The following WBP1L variants were observed in gnomAD, a reference collection of about 807,000 sequenced individuals.
WBP1L encodes WW domain binding protein 1 like.
Under a neutral mutation model 33.7 loss-of-function variants are expected in WBP1L, and 17 were observed. The ratio of observed to expected loss-of-function variants is 0.50; its 90% CI spans 0.34 to 0.76. WBP1L has a LOEUF of 0.76. WBP1L is among the 30% of genes least tolerant of loss of function. The probability of loss-of-function intolerance (pLI) is 0.01; values close to 1 mark genes in which losing one functional copy is unlikely to be tolerated. For missense variants in WBP1L, 389 were observed against 469.4 expected (o/e 0.83, Z 1.58); for synonymous variants, 173 against 190.8 (o/e 0.91, Z 0.77).
intron 1 of WBP1L, among the ~76,000 whole-genome samples, chr10:102,789,932 G>A (rs1214031028): frequency 6.6e-6 from 1 of 151,804 alleles, no homozygotes; most frequent in African/African-American, 2.4e-5. Flanking sequence ...TAGAGATGGG[G>A]TTTCACAGTG....
At chr10:102,753,148 A>C (rs973283800) in intron 1 of WBP1L, among the ~76,000 whole-genome samples, 12 of 152,134 alleles carry the variant, frequency 7.9e-5, no homozygotes, top group African/African-American at 2.7e-4. Flanking sequence ...ATCCCACTGT[A>C]ACTGCACAGC....
chr10:102,745,898 A>G (rs1466435639), intron 1 of WBP1L, among the ~76,000 whole-genome samples: 1 of 152,228 alleles, frequency 6.6e-6, no homozygotes, highest in African/African-American at 2.4e-5. Context: ...TAGAAATGTT[A>G]TAGCCCTCAG....
rs1406377930 is a variant in WBP1L at position 102,815,776 on chromosome 10, G to A, written c.*2445G>A. On this transcript the variant is annotated 3_prime_UTR_variant, in exon 4 of 4. Transcript: ENST00000448841. ...AATGGATGAGTTCTGAGCCTCTCAA[G>A]TTCCTTTCCCCAGTTAGAGTGGGGA... 1 of 152,216 alleles carries A rather than the reference G, an allele frequency of 6.6e-6. No individual in the cohort carries two copies. Among genetic ancestry groups the A allele is most frequent in the Non-Finnish European group, 1.5e-5 (1 of 68,042 alleles). The allele number at this position is 152,216 out of a possible 1,614,324, so 9.4% of individuals were successfully genotyped here.
intron 1 of WBP1L, among the ~76,000 whole-genome samples, chr10:102,751,322 C>CTT (rs71019611): frequency 0.01 from 1,481 of 141,414 alleles, 24 homozygotes; most frequent in African/African-American, 0.03. Context: ...TTTTTCTTTC[C>CTT]TTTTTTTTTT....
intron 2 of WBP1L, among the ~76,000 whole-genome samples, chr10:102,806,883 C>T (rs887825791): frequency 6.6e-6 from 1 of 152,108 alleles, no homozygotes; most frequent in Non-Finnish European, 1.5e-5. Context: ...CCAGATGCCA[C>T]ACCCTAAATG....
intron 1 of WBP1L, among the ~76,000 whole-genome samples, chr10:102,789,060 A>C (rs184615665): frequency 3.3e-5 from 5 of 152,132 alleles, no homozygotes; most frequent in Non-Finnish European, 7.4e-5. Flanking sequence ...CCTGGGTTCA[A>C]GTGATTCTTG....
intron 1 of WBP1L, among the ~76,000 whole-genome samples, chr10:102,763,970 C>G (rs147115323): frequency 3.9e-5 from 6 of 152,146 alleles, no homozygotes; most frequent in African/African-American, 1.4e-4. Context: ...TGCGCCACCA[C>G]GCCCGGCTAA....
chr10:102,796,213 G>A (rs1843571089), intron 1 of WBP1L, among the ~76,000 whole-genome samples: 1 of 152,132 alleles, frequency 6.6e-6, no homozygotes, highest in Admixed American at 6.5e-5. Flanking sequence ...GGGGGAAGGA[G>A]CACATAGAAG....
chr10:102,758,652 CAAAG>C (rs1355685098), intron 1 of WBP1L, among the ~76,000 whole-genome samples: 1 of 152,132 alleles, frequency 6.6e-6, no homozygotes, highest in African/African-American at 2.4e-5. Flanking sequence ...AGACACAAGA[CAAAG>C]AGATAAAGAG....
At chr10:102,750,311 C>T (rs1842912695) in intron 1 of WBP1L, among the ~76,000 whole-genome samples, 1 of 151,280 alleles carries the variant, frequency 6.6e-6, no homozygotes, top group Non-Finnish European at 1.5e-5. Context: ...AGGAGAATCG[C>T]TTGAGCCCCA....
intron 3 of WBP1L, among the ~76,000 whole-genome samples, chr10:102,810,492 TC>T (rs1444123530): frequency 4.8e-4 from 1 of 2,102 alleles, no homozygotes; most frequent in African/African-American, 5.7e-4. Context: ...CTTCCTTCCC[TC>T]CTTCCTTCCT....
intron 1 of WBP1L, among the ~76,000 whole-genome samples, chr10:102,797,101 C>G (rs971561445): frequency 6.6e-6 from 1 of 152,150 alleles, no homozygotes; most frequent in African/African-American, 2.4e-5. Context: ...ACTGGGTTAT[C>G]TGAGCAGTTC....
intron 2 of WBP1L, 41 bp from the exon 3 acceptor site, chr10:102,809,852 C>T (rs1185487196): frequency 6.3e-7 from 1 of 1,579,112 alleles, no homozygotes; most frequent in Non-Finnish European, 8.6e-7. Flanking sequence ...CTGGCTGGTA[C>T]TCACTGTGTG....
At chr10:102,781,340 G>C (rs1843333174) in intron 1 of WBP1L, among the ~76,000 whole-genome samples, 1 of 152,148 alleles carries the variant, frequency 6.6e-6, no homozygotes, top group Non-Finnish European at 1.5e-5. Flanking sequence ...ATTGACTTGG[G>C]GTATTTATTA....
chr10:102,793,774 CTT>C (rs533691764), intron 1 of WBP1L, among the ~76,000 whole-genome samples: 6 of 146,158 alleles, frequency 4.1e-5, no homozygotes, highest in Non-Finnish European at 3.0e-5. Context: ...CCAGCTCACT[CTT>C]TTTTTTTTTT....
chr10:102,743,986 A>AGAGGAGGAGAGGGAG lies in WBP1L; in HGVS notation c.-58_-44dup. 1 of 1,113,428 alleles carries AGAGGAGGAGAGGGAG rather than the reference A, an allele frequency of 9.0e-7. No individual in the cohort carries two copies. Among genetic ancestry groups the AGAGGAGGAGAGGGAG allele is most frequent in the South Asian group, 1.4e-5 (1 of 73,582 alleles). The allele number at this position is 1,113,428 out of a possible 1,614,324, so 69.0% of individuals were successfully genotyped here. On this transcript the variant is annotated 5_prime_UTR_variant, in exon 1 of 4. Transcript: ENST00000448841. ...AGAAGGGAAGAAGGAAGAAGAGGGT[A>AGAGGAGGAGAGGGAG]GAGGAGGAGAGGGAGGAGGAGGAGG...
chr10:102,801,320 T>G (rs1843654933), intron 2 of WBP1L, among the ~76,000 whole-genome samples: 1 of 152,202 alleles, frequency 6.6e-6, no homozygotes, highest in Non-Finnish European at 1.5e-5. Flanking sequence ...CAGCAAACCC[T>G]TATTCCAGTG....
At chr10:102,793,822 G>A (rs1294439688) in intron 1 of WBP1L, among the ~76,000 whole-genome samples, 1 of 151,890 alleles carries the variant, frequency 6.6e-6, no homozygotes, top group Non-Finnish European at 1.5e-5. Context: ...AGGCTAGCGT[G>A]CAGTGGTGCA....
intron 3 of WBP1L, among the ~76,000 whole-genome samples, chr10:102,810,458 TTTCC>T (rs1183288718): frequency 5.3e-5 from 6 of 113,464 alleles, no homozygotes; most frequent in African/African-American, 1.6e-4. Flanking sequence ...CCTCCCTTCT[TTTCC>T]TTCCTTCCTT....
Sources: gnomAD v4.1 joint callset for allele counts (sites outside exome capture counted in the v4.1 genomes callset) on GRCh38, gnomAD v4.1.1 for gene constraint, MANE v1.5 for transcripts, NCBI Gene and HGNC (gene_info 2026-07-23, HGNC 2026-07-21) for gene names.